Variants in CCDC85C observed in about 807,000 individuals in gnomAD.
The protein encoded by CCDC85C is coiled-coil domain-containing protein 85C.
In CCDC85C, 18 loss-of-function variants were observed where a neutral mutation model predicts 38.3. The ratio of observed to expected loss-of-function variants is 0.47; its 90% CI spans 0.33 to 0.70. The LOEUF is 0.70. Among genes scored for constraint, CCDC85C ranks in the 30% least tolerant of loss-of-function variants. CCDC85C has a pLI of 0.03. For synonymous variants in CCDC85C, 264 were observed against 293.8 expected, an observed-to-expected ratio of 0.90 and a Z score of 1.04; for missense variants, 566 against 621.2, an observed-to-expected ratio of 0.91 and a Z score of 0.94.
intron 1 of CCDC85C, among the ~76,000 whole-genome samples, chr14:99,552,809 C>T (rs113728108): frequency 1.9e-4 from 29 of 152,378 alleles, no homozygotes; most frequent in African/African-American, 6.3e-4. Flanking sequence ...CACGAGCTTC[C>T]GGGGCTCAAG....
chr14:99,573,710 T>G (rs1898407802), intron 1 of CCDC85C, among the ~76,000 whole-genome samples: 1 of 152,304 alleles, frequency 6.6e-6, no homozygotes, highest in Admixed American at 6.5e-5. Context: ...TGCACAGCCC[T>G]GGGGTGGCCC....
At chr14:99,599,716 C>T (rs1409693415) in intron 1 of CCDC85C, among the ~76,000 whole-genome samples, 2 of 152,046 alleles carry the variant, frequency 1.3e-5, no homozygotes, top group Non-Finnish European at 2.9e-5. Context: ...ATAGTGAGAT[C>T]CAGTCTCTAC....
At chr14:99,546,831 A>G (rs994633259) in intron 1 of CCDC85C, among the ~76,000 whole-genome samples, 3 of 152,222 alleles carry the variant, frequency 2.0e-5, no homozygotes, top group African/African-American at 7.2e-5. Context: ...GCCTCACACC[A>G]TATACAGAAA....
At position 99,588,111 on chromosome 14, in the gene CCDC85C, C is replaced by G. The variant is rs944067516; in HGVS notation, c.793+15056G>C. Among the ~76,000 whole-genome samples, 2 of 152,150 alleles carry G rather than the reference C, an allele frequency of 1.3e-5. No individual in the cohort carries two copies. The highest frequency in any genetic ancestry group is 2.9e-5 in the Non-Finnish European group (2 of 68,036). On this transcript the variant is annotated intron_variant, in intron 1 of 5. Transcript: ENST00000380243. This position sits in a 1 kb window ranked among gnomAD's most constrained non-coding sequence, Gnocchi z 5.0. ...GGATTCCCCACTGGGTCTGTCGTCC[C>G]CAGTTCCTCCAGCTGCCAATCAGCA...
chr14:99,564,206 A>C (rs982058419), intron 1 of CCDC85C, among the ~76,000 whole-genome samples: 1 of 152,190 alleles, frequency 6.6e-6, no homozygotes, highest in African/African-American at 2.4e-5. Flanking sequence ...TGCGCAGTGA[A>C]GGGGACAGAC....
chr14:99,563,272 G>A (rs1050329701), intron 1 of CCDC85C, among the ~76,000 whole-genome samples: 1 of 152,264 alleles, frequency 6.6e-6, no homozygotes, highest in African/African-American at 2.4e-5. Flanking sequence ...CCTCGGGCCT[G>A]GGCCCCTGCC....
intron 1 of CCDC85C, among the ~76,000 whole-genome samples, chr14:99,543,678 C>T (rs1897755134): frequency 6.6e-6 from 1 of 152,088 alleles, no homozygotes; most frequent in South Asian, 2.1e-4. Context: ...GGAGGTAGAG[C>T]CACAACAGGT....
At chr14:99,517,630 G>A (rs1409732780) in intron 3 of CCDC85C, among the ~76,000 whole-genome samples, 3 of 152,200 alleles carry the variant, frequency 2.0e-5, no homozygotes, top group East Asian at 3.9e-4. Context: ...ACCGGTGGGC[G>A]AGGCCGGCTT....
Position 99,510,130 on chromosome 14 carries a change from G to A in CCDC85C, c.*5116C>T, listed in dbSNP as rs762944480. ...AAAGCAACCATTGCTGGCGGAGGCC[G>A]GGCACTGATGCGTCTCTCTCCTGCA... On this transcript the variant is annotated 3_prime_UTR_variant, in exon 6 of 6. Coordinates refer to ENST00000380243, the MANE Select transcript of CCDC85C (RefSeq NM_001144995.2). 9 of 1,578,332 alleles carry A rather than the reference G, an allele frequency of 5.7e-6. No homozygotes were observed. Among genetic ancestry groups the A allele is most frequent in the South Asian group, 2.3e-5 (2 of 86,198 alleles).
intron 1 of CCDC85C, among the ~76,000 whole-genome samples, chr14:99,567,449 GCT>G (rs1180231562): frequency 6.6e-6 from 1 of 152,174 alleles, no homozygotes; most frequent in Non-Finnish European, 1.5e-5. Context: ...TTCCTAAAGA[GCT>G]TGGTAAGGCT....
Position 99,603,254 on chromosome 14 carries a change from G to A in CCDC85C, c.706C>T (p.Pro236Ser), listed in dbSNP as rs2055226134. Reference protein sequence around the residue: ...PLLPPGPHKAPDGKAGATRRS... With the variant: ...PLLPPGPHKASDGKAGATRRS... ...CGTGTGGCTCCTGCCTTGCCGTCGG[G>A]GGCCTTGTGCGGCCCGGGGGGCAGC... is the stretch of plus-strand genomic sequence containing the variant. The change falls in exon 1 of 6, where the codon CCC (proline) becomes TCC (serine). Residue 236 changes from proline (P) to serine (S), a missense_variant. Pro to Ser is a moderately conservative substitution (Grantham distance 74). Transcript: ENST00000380243. This position sits in a 1 kb window ranked among gnomAD's most constrained non-coding sequence, Gnocchi z 7.5. The A allele has an allele frequency of 5.0e-6, 7 of 1,395,600 alleles. No individual in the cohort carries two copies. Among genetic ancestry groups the A allele is most frequent in the South Asian group, 4.7e-5 (3 of 63,746 alleles). The allele number at this position is 1,395,600 out of a possible 1,614,324, so 86.5% of individuals were successfully genotyped here. A position where few individuals can be genotyped will look rare whatever the true frequency, so the allele number is the denominator to read the frequency against.
intron 1 of CCDC85C, among the ~76,000 whole-genome samples, chr14:99,561,706 C>A (rs1045052756): frequency 1.3e-5 from 2 of 152,168 alleles, no homozygotes; most frequent in Non-Finnish European, 2.9e-5. Flanking sequence ...CCACCCAGGG[C>A]CCCAGCCTGG....
At chr14:99,529,177 T>C (rs1311685856) in intron 2 of CCDC85C, among the ~76,000 whole-genome samples, 2 of 152,122 alleles carry the variant, frequency 1.3e-5, no homozygotes, top group Non-Finnish European at 2.9e-5. Flanking sequence ...GGTCCCCATG[T>C]CATTTCACAC....
intron 2 of CCDC85C, among the ~76,000 whole-genome samples, chr14:99,529,606 G>C (rs532017884): frequency 3.3e-5 from 5 of 152,208 alleles, no homozygotes; most frequent in Non-Finnish European, 7.3e-5. Context: ...GTTTCACCAT[G>C]TTGGCCAGGC....
chr14:99,564,722 A>C (rs562116913), intron 1 of CCDC85C, among the ~76,000 whole-genome samples: 7 of 152,314 alleles, frequency 4.6e-5, no homozygotes, highest in Admixed American at 4.6e-4. Flanking sequence ...TGGTTCGTCC[A>C]GGCCCATCTC....
rs1322122976 is a variant in CCDC85C at position 99,604,003 on chromosome 14, G to T, written c.-44C>A. 1 of 1,194,930 alleles carries T rather than the reference G, an allele frequency of 8.4e-7. No individual in the cohort carries two copies. Among genetic ancestry groups the T allele is most frequent in the Non-Finnish European group, 1.0e-6 (1 of 965,818 alleles). The allele number at this position is 1,194,930 out of a possible 1,614,324, so 74.0% of individuals were successfully genotyped here. On this transcript the variant is annotated 5_prime_UTR_variant, in exon 1 of 6. Coordinates refer to ENST00000380243, the MANE Select transcript of CCDC85C (RefSeq NM_001144995.2). The stretch of plus-strand genomic sequence containing the variant: ...GCATCGCCCTCGCCCTCGCCCGGCC[G>T]GCGCTTCCCCGCGCCGGGGCTCCGC...
chr14:99,501,470 T>C lies in CCDC85C; in HGVS notation c.*13776A>G, dbSNP rs555687081. ...TATTTTAAAATAGGCAGAGACTTTA[T>C]GGACCATTTCATCTAAACCCCTCAT... On this transcript the variant is annotated 3_prime_UTR_variant, in exon 6 of 6. Transcript: ENST00000380243. 553 of 1,166,540 alleles carry C rather than the reference T, an allele frequency of 4.7e-4. 6 individuals are homozygous for C. The South Asian group carries it at 6.5e-3, about 14-fold the overall frequency. 72.3% of individuals were successfully genotyped at this position (1,166,540 alleles called of 1,614,324 possible). A position where few individuals can be genotyped will look rare whatever the true frequency, so the allele number is the denominator to read the frequency against.
In CCDC85C at chr14:99,507,020, A is replaced by G. The variant is rs141646358; in HGVS notation, c.*8226T>C. On this transcript the variant is annotated 3_prime_UTR_variant, in exon 6 of 6. Transcript: ENST00000380243. ...CTGCCAGTACATTTTTCTTTATGACATGCTTATTCATGTGAAGAAGTATGA... is the reference window on the plus strand; with the variant it reads ...CTGCCAGTACATTTTTCTTTATGACGTGCTTATTCATGTGAAGAAGTATGA... 10 of 1,020,412 alleles carry G rather than the reference A, an allele frequency of 9.8e-6. No individual in the cohort carries two copies. Among genetic ancestry groups the G allele is most frequent in the African/African-American group, 3.1e-5 (2 of 63,556 alleles). The allele number at this position is 1,020,412 out of a possible 1,614,324, so 63.2% of individuals were successfully genotyped here.
chr14:99,510,629 C>T lies in CCDC85C; in HGVS notation c.*4617G>A, dbSNP rs1481297400. ...CACGCCTCCCGCCTACCCACGCAGTCCCCCCTCATCCTCCTCCAGGGTTGG... is the reference window on the plus strand; with the variant it reads ...CACGCCTCCCGCCTACCCACGCAGTTCCCCCTCATCCTCCTCCAGGGTTGG... On this transcript the variant is annotated 3_prime_UTR_variant, in exon 6 of 6. Transcript: ENST00000380243. 3 of 1,385,072 alleles carry T rather than the reference C, an allele frequency of 2.2e-6. No homozygotes were observed. Among genetic ancestry groups the T allele is most frequent in the East Asian group, 2.7e-5 (1 of 37,306 alleles). 85.8% of individuals were successfully genotyped at this position (1,385,072 alleles called of 1,614,324 possible).
Sources: allele counts gnomAD v4.1 joint callset (sites outside exome capture counted in the v4.1 genomes callset), GRCh38; gene constraint gnomAD v4.1.1; non-coding constraint Gnocchi (gnomAD v3.1); transcripts MANE v1.5; gene names NCBI Gene and HGNC (gene_info 2026-07-23, HGNC 2026-07-21).